The following ROBO2 variants were observed in gnomAD, a reference collection of about 807,000 sequenced individuals.
ROBO2 encodes the protein roundabout guidance receptor 2, also known as roundabout homolog 2.
In ROBO2, 53 loss-of-function variants were observed where a neutral mutation model predicts 160.8. The ratio of observed to expected loss-of-function variants is 0.33; its 90% CI spans 0.26 to 0.41. The LOEUF (loss-of-function observed/expected upper bound fraction) is 0.41, where lower values mean the gene tolerates loss of function less well. Ranked by LOEUF, ROBO2 falls within the 10% of genes least tolerant of loss-of-function variation. ROBO2 has a pLI of 1.00. For missense variants in ROBO2, 1,577 were observed against 1,722.4 expected (o/e 0.92, Z 1.49); for synonymous variants, 664 against 611.7 (o/e 1.09, Z -1.26).
At chr3:76,637,060 A>C (rs2090381054) in intron 2 of ROBO2, among the ~76,000 whole-genome samples, 1 of 151,898 alleles carries the variant, frequency 6.6e-6, no homozygotes, top group South Asian at 2.1e-4. Flanking sequence ...ATGCCTTCAC[A>C]AGAGTGTGAA....
chr3:76,996,367 G>T (rs2061006308), intron 2 of ROBO2, among the ~76,000 whole-genome samples: 1 of 152,156 alleles, frequency 6.6e-6, no homozygotes, highest in South Asian at 2.1e-4. Context: ...TTGTAGTATT[G>T]TTTGAAGTCA....
intron 2 of ROBO2, among the ~76,000 whole-genome samples, chr3:76,713,931 G>A (rs2107634686): frequency 6.6e-6 from 1 of 151,092 alleles, no homozygotes; most frequent in South Asian, 2.1e-4. Context: ...AGTTTCTTAA[G>A]TAGTAAGTTT....
At chr3:76,814,999 A>T (rs908108203) in intron 2 of ROBO2, among the ~76,000 whole-genome samples, 3 of 152,042 alleles carry the variant, frequency 2.0e-5, no homozygotes, top group African/African-American at 7.2e-5. Context: ...CTTTCCCTTC[A>T]GTTATGATGT....
intron 2 of ROBO2, among the ~76,000 whole-genome samples, chr3:77,441,316 T>A (rs2079896221): frequency 6.6e-6 from 1 of 151,324 alleles, no homozygotes; most frequent in Admixed American, 6.6e-5. Flanking sequence ...TGATACTAGA[T>A]CAGGGTGGGT....
intron 2 of ROBO2, among the ~76,000 whole-genome samples, chr3:76,416,170 TAATAA>T (rs986799022): frequency 5.4e-4 from 82 of 151,980 alleles, no homozygotes; most frequent in Admixed American, 8.5e-4. Context: ...TAAAAAATAA[TAATAA>T]AATAAAATAA....
intron 2 of ROBO2, among the ~76,000 whole-genome samples, chr3:76,083,812 C>T (rs1025493467): frequency 1.3e-5 from 2 of 151,848 alleles, no homozygotes; most frequent in Non-Finnish European, 2.9e-5. Context: ...CAGGTGCACA[C>T]CCTTTTCTCT....
intron 2 of ROBO2, among the ~76,000 whole-genome samples, chr3:76,081,111 A>G (rs2068813247): frequency 6.6e-6 from 1 of 151,682 alleles, no homozygotes; most frequent in Non-Finnish European, 1.5e-5. Flanking sequence ...ATTCATGAGA[A>G]TCATTGAAAA....
chr3:76,961,000 G>A (rs1454464307), intron 2 of ROBO2, among the ~76,000 whole-genome samples: 10 of 151,974 alleles, frequency 6.6e-5, no homozygotes, highest in Admixed American at 6.6e-4. Flanking sequence ...GTATCCAGTG[G>A]TATTATTGAA....
At chr3:76,606,288 C>G (rs1336059423) in intron 2 of ROBO2, among the ~76,000 whole-genome samples, 1 of 152,106 alleles carries the variant, frequency 6.6e-6, no homozygotes, top group Non-Finnish European at 1.5e-5. Flanking sequence ...AACTAGAATC[C>G]AAACAGTGAA....
chr3:76,961,367 T>C (rs1354746140), intron 2 of ROBO2, among the ~76,000 whole-genome samples: 2 of 152,148 alleles, frequency 1.3e-5, no homozygotes, highest in African/African-American at 4.8e-5. Context: ...ATTTTCATTT[T>C]TTTTTCAGAG....
chr3:77,098,122 G>A (rs1286299008), exon 2 of ROBO2: 5 of 1,614,054 alleles, frequency 3.1e-6, no homozygotes, highest in African/African-American at 1.3e-5. Flanking sequence ...GCGGAGGGCC[G>A]GCCAACGCCC....
chr3:77,515,213 T>A (rs1383094767), intron 5 of ROBO2, among the ~76,000 whole-genome samples: 1 of 151,744 alleles, frequency 6.6e-6, no homozygotes, highest in African/African-American at 2.4e-5. Context: ...CATAAAGGTA[T>A]CATAATTTGA....
chr3:76,814,475 T>A (rs1355645251), intron 2 of ROBO2, among the ~76,000 whole-genome samples: 2 of 152,108 alleles, frequency 1.3e-5, no homozygotes, highest in East Asian at 3.9e-4. Context: ...ATTGGAAACA[T>A]CAATTTCTGT....
chr3:77,145,115 C>T (rs2077019848), intron 2 of ROBO2, among the ~76,000 whole-genome samples: 1 of 152,070 alleles, frequency 6.6e-6, no homozygotes, highest in Non-Finnish European at 1.5e-5. Flanking sequence ...ACCTGGTTTA[C>T]AGTTCAGAGT....
chr3:76,912,113 T>A (rs1378472168), intron 2 of ROBO2, among the ~76,000 whole-genome samples: 1 of 152,192 alleles, frequency 6.6e-6, no homozygotes, highest in East Asian at 1.9e-4. Context: ...GGATCCCATT[T>A]TCTTATGCTG....
At chr3:77,039,583 G>A (rs2063865224), upstream of ROBO2, among the ~76,000 whole-genome samples, 1 of 152,250 alleles carries the variant, frequency 6.6e-6, no homozygotes, top group Middle Eastern at 3.4e-3. Flanking sequence ...GGAAGGAGTC[G>A]CCCGGTGGCC....
At chr3:76,288,482 CTT>C (rs202114094) in intron 2 of ROBO2, among the ~76,000 whole-genome samples, 1 of 144,652 alleles carries the variant, frequency 6.9e-6, no homozygotes. Flanking sequence ...CAGACTAGAT[CTT>C]TTTTTTTTTT....
chr3:76,696,823 G>A (rs898128039), intron 2 of ROBO2, among the ~76,000 whole-genome samples: 1 of 152,118 alleles, frequency 6.6e-6, no homozygotes, highest in African/African-American at 2.4e-5. Flanking sequence ...TTGTCACAAG[G>A]GAGAAAGCAC....
intron 2 of ROBO2, among the ~76,000 whole-genome samples, chr3:76,192,073 C>T (rs921031878): frequency 1.3e-5 from 2 of 152,014 alleles, no homozygotes; most frequent in African/African-American, 4.8e-5. Context: ...ACAAATCCCG[C>T]TATTTCCCTA....
Sources: allele counts gnomAD v4.1 joint callset (sites outside exome capture counted in the v4.1 genomes callset), GRCh38; gene constraint gnomAD v4.1.1; transcripts MANE v1.5; gene names NCBI Gene and HGNC (gene_info 2026-07-23, HGNC 2026-07-21).